Variants in ZNF333 observed in about 807,000 individuals in gnomAD.
ZNF333 encodes the protein zinc finger protein 333.
A neutral mutation model predicts 76.1 loss-of-function variants in ZNF333; 61 were observed. The observed-to-expected ratio is 0.80, with a 90% confidence interval of 0.65 to 0.99. The LOEUF (loss-of-function observed/expected upper bound fraction) is 0.99. ZNF333 is among the 50% of genes least tolerant of loss of function. The pLI is 0.00. For missense variants in ZNF333, 717 were observed against 822.4 expected, an observed-to-expected ratio of 0.87 and a Z score of 1.57; for synonymous variants, 284 against 305.0, an observed-to-expected ratio of 0.93 and a Z score of 0.72.
At chr19:14,717,825 C>A (rs544474498) in intron 11 of ZNF333, 92 bp downstream of exon 11, 1 of 1,267,820 alleles carries the variant, frequency 7.9e-7, no homozygotes, top group Non-Finnish European at 1.1e-6. Flanking sequence ...GAGCCAAGAG[C>A]GATTCGAGGC....
At chr19:14,693,524 AG>A (rs1177672020) in intron 2 of ZNF333, 30 bp downstream of exon 2, 1 of 1,597,554 alleles carries the variant, frequency 6.3e-7, no homozygotes, top group East Asian at 2.2e-5. Flanking sequence ...CTGTGGCTGA[AG>A]GGGTGGATAT....
Position 14,721,152 on chromosome 19 carries a change from T to C in ZNF333, c.*1827T>C. 1 of 245,460 alleles carries C rather than the reference T, an allele frequency of 4.1e-6. No individual in the cohort carries two copies. The highest frequency in any genetic ancestry group is 6.5e-6 in the Non-Finnish European group (1 of 153,724). The allele number at this position is 245,460 out of a possible 1,614,324, so 15.2% of individuals were successfully genotyped here. On this transcript the variant is annotated 3_prime_UTR_variant, in exon 12 of 12. Coordinates refer to ENST00000292530, the MANE Select transcript of ZNF333 (RefSeq NM_032433.4). ...TTGAGGTATGTACTGTTATCCCCAA[T>C]TCCCAGATGAGGAAGCTGAGGCCCA...
rs763533252 is a variant in ZNF333, at chr19:14,695,595, T to TC, written c.160dup (p.Gln54ProfsTer28). ...TCCACCATGCAAACCCAGTTGTGTCTCCCAGCTGGGGCAAAGAGCAGAGCC... is the reference window on the plus strand; with the variant it reads ...TCCACCATGCAAACCCAGTTGTGTCTCCCCAGCTGGGGCAAAGAGCAGAGCC... On this transcript the variant is annotated frameshift_variant, in exon 4 of 12. Coordinates refer to ENST00000292530, the MANE Select transcript of ZNF333 (RefSeq NM_032433.4). LOFTEE classifies it high-confidence loss of function. 6.2e-7 allele frequency: 1 copy of TC among 1,614,118 alleles called. No homozygotes were observed.
chr19:14,706,856 C>T (rs2042125582), intron 7 of ZNF333, 83 bp downstream of exon 7: 1 of 1,205,184 alleles, frequency 8.3e-7, no homozygotes, highest in South Asian at 1.4e-5. Context: ...CCTATCCTGC[C>T]TGCATTTCCT....
In ZNF333 at chr19:14,719,272, G is replaced by A. The variant is rs1369242415; in HGVS notation, c.1945G>A (p.Gly649Ser). The stretch of plus-strand genomic sequence containing the variant: ...TGTGGGAAGAGAGACCATTAGGAAT[G>A]GCAGCCTGCCTTTATCCATGTCTCA... ...THVGRETIRNGSLPLSMSHPY... is the reference protein window; with the variant it reads ...THVGRETIRNSSLPLSMSHPY... The change falls in exon 12 of 12, where the codon GGC becomes AGC. Residue 649 changes from glycine (G) to serine (S), a missense_variant. Gly to Ser is a moderately conservative substitution (Grantham distance 56). Transcript: ENST00000292530. 6.2e-7 allele frequency: 1 copy of A among 1,614,150 alleles called. No individual in the cohort carries two copies. Among genetic ancestry groups the A allele is most frequent in the African/African-American group, 1.3e-5 (1 of 75,052 alleles).
chr19:14,728,162 G>A (rs191696299), intron 11 of ZNF333, among the ~76,000 whole-genome samples: 4 of 152,306 alleles, frequency 2.6e-5, no homozygotes, highest in East Asian at 1.9e-4. Context: ...GCAGTGAGCC[G>A]AGATTGTGCC....
At chr19:14,727,597 C>T (rs2042642045) in intron 11 of ZNF333, among the ~76,000 whole-genome samples, 1 of 152,124 alleles carries the variant, frequency 6.6e-6, no homozygotes, top group South Asian at 2.1e-4. Flanking sequence ...CGATTTGCCC[C>T]CATGATCCAA....
chr19:14,723,329 T>C (rs1452424282), downstream of ZNF333, among the ~76,000 whole-genome samples: 1 of 152,256 alleles, frequency 6.6e-6, no homozygotes, highest in African/African-American at 2.4e-5. Context: ...ACTGTAGTTT[T>C]ACAATAAATT....
intron 11 of ZNF333, 103 bp downstream of exon 11, chr19:14,717,836 A>G: frequency 8.5e-7 from 1 of 1,171,718 alleles, no homozygotes; most frequent in Non-Finnish European, 1.2e-6. Flanking sequence ...GATTCGAGGC[A>G]AGAAGTGTTT....
intron 4 of ZNF333, among the ~76,000 whole-genome samples, 164 bp from the exon 5 acceptor site, chr19:14,699,035 T>C (rs917635403): frequency 2.0e-5 from 3 of 151,484 alleles, no homozygotes; most frequent in Non-Finnish European, 4.4e-5. Flanking sequence ...CTTGAATATA[T>C]GTATTCGGTA....
chr19:14,695,054 G>T lies in ZNF333; in HGVS notation c.48G>T (p.Glu16Asp). ...ATGTGGCCGTGGAGTTCATCCAGGA[G>T]TGGGCATTGCTGGACAGCGCACGGA... ...FEDVAVEFIQ[E>D]WALLDSARRS... Residue 16 changes from glutamate (E) to aspartate (D), a missense_variant, in exon 3 of 12, where the codon GAG becomes GAT. Glu to Asp is a conservative substitution (Grantham distance 45, BLOSUM62 2). Coordinates refer to ENST00000292530, the MANE Select transcript of ZNF333 (RefSeq NM_032433.4). 6.2e-7 allele frequency: 1 copy of T among 1,614,172 alleles called. No individual in the cohort carries two copies.
At chr19:14,725,273 A>G (rs1015273047), downstream of ZNF333, among the ~76,000 whole-genome samples, 14 of 152,194 alleles carry the variant, frequency 9.2e-5, no homozygotes, top group African/African-American at 2.2e-4. Context: ...ATTTGCCCCC[A>G]TGATCCGAAT....
rs1408561487 is a variant in ZNF333 at position 14,718,377 on chromosome 19, T to C, written c.1050T>C (p.Ser350=). 1.9e-6 allele frequency: 3 copies of C among 1,614,144 alleles called. No homozygotes were observed. The Admixed American group carries it at 5.0e-5, about 27-fold the overall frequency. The change falls in exon 12 of 12, where the codon AGT becomes AGC. Residue 350 remains serine (S), a synonymous_variant. Transcript: ENST00000292530. The part of the protein sequence containing the change: ...CQEIRNSFFQ[S]AHLIVPEKIR... ...AGATTAGAAATTCCTTCTTCCAGAG[T>C]GCCCACCTAATTGTGCCCGAGAAAA...
chr19:14,716,519 A>G (rs575652821), intron 9 of ZNF333, among the ~76,000 whole-genome samples: 1 of 152,222 alleles, frequency 6.6e-6, no homozygotes, highest in African/African-American at 2.4e-5. Flanking sequence ...TCAGCCCCAC[A>G]ATGTGCTGGG....
At position 14,716,202 on chromosome 19, in the gene ZNF333, G is replaced by C; in HGVS notation, c.691G>C (p.Val231Leu). The C allele has an allele frequency of 6.2e-7, 1 of 1,614,112 alleles. No individual in the cohort carries two copies. Among genetic ancestry groups the C allele is most frequent in the Non-Finnish European group, 8.5e-7 (1 of 1,179,998 alleles). ...DSTQRSLYRD[V>L]MLENYRNLAS... is the part of the protein sequence containing the mutation. ...TACTCAGAGGAGCCTGTATAGAGAT[G>C]TGATGCTGGAGAACTACAGGAACCT... Residue 231 changes from valine to leucine, a missense_variant, in exon 9 of 12, where the codon GTG becomes CTG. By Grantham distance (32) the Val-to-Leu change is conservative (BLOSUM62 1). Transcript: ENST00000292530.
chr19:14,716,122 C>G lies in ZNF333; in HGVS notation c.611C>G (p.Thr204Ser), dbSNP rs563767397. The change falls in exon 9 of 12, where the codon ACC becomes AGC. Residue 204 changes from threonine to serine, a missense_variant. Transcript: ENST00000292530. ...GGATGTGTGTTTTAGGAACCAGTCA[C>G]CTTTGCAGATGTGGCTGTGGTGTTC... ...LPTACSQEPV[T>S]FADVAVVFTP... The G allele has an allele frequency of 6.2e-7, 1 of 1,614,086 alleles. No homozygotes were observed. The highest frequency in any genetic ancestry group is 1.3e-5 in the African/African-American group (1 of 75,008).
intron 11 of ZNF333, chr19:14,731,162 A>G (rs953423095): frequency 1.6e-5 from 25 of 1,533,094 alleles, no homozygotes; most frequent in Admixed American, 2.0e-5. Context: ...CCTCCTTATA[A>G]TTCCCTTTTC....
At chr19:14,722,611 G>T (rs2042602533), downstream of ZNF333, among the ~76,000 whole-genome samples, 2 of 152,004 alleles carry the variant, frequency 1.3e-5, no homozygotes, top group Non-Finnish European at 2.9e-5. Context: ...CTAAGATTTT[G>T]GTGTAGTCCA....
In ZNF333 at chr19:14,698,899, G is replaced by GATATAT. The variant is rs60299211; in HGVS notation, c.224-268_224-263dup. Among the ~76,000 whole-genome samples the GATATAT allele has an allele frequency of 9.0e-3, 1,194 of 132,390 alleles. 8 individuals carry two copies. The highest frequency in any genetic ancestry group is 0.012 in the Non-Finnish European group (741 of 62,436). 86.9% of individuals were successfully genotyped at this position (132,390 alleles called of 152,430 possible). A position where few individuals can be genotyped will look rare whatever the true frequency, so the allele number is the denominator to read the frequency against. ...ATGTGTGTACACACACACAAATATA[G>GATATAT]ATATATATATATATATATATATATA... On this transcript the variant is annotated intron_variant, in intron 4 of 11. Transcript: ENST00000292530.
Sources: allele counts gnomAD v4.1 joint callset (sites outside exome capture counted in the v4.1 genomes callset), GRCh38; gene constraint gnomAD v4.1.1; transcripts MANE v1.5; gene names NCBI Gene and HGNC (gene_info 2026-07-23, HGNC 2026-07-21).